The following RRP12 variants were observed in gnomAD, a reference collection of about 807,000 sequenced individuals.
RRP12 encodes the protein ribosomal RNA processing 12 homolog, also known as RRP12-like protein.
RRP12 carries 78 observed loss-of-function variants against 157.3 expected under a neutral mutation model. The observed-to-expected ratio is 0.50, with a 90% CI of 0.41 to 0.60. RRP12 has a LOEUF of 0.60. Among genes scored for constraint, RRP12 ranks in the 20% least tolerant of loss-of-function variants. The pLI is 0.00. For missense variants in RRP12, 1,521 were observed against 1,679.9 expected, an observed-to-expected ratio of 0.91 and a Z score of 1.65; for synonymous variants, 726 against 670.9, an observed-to-expected ratio of 1.08 and a Z score of -1.27.
chr10:97,388,540 C>G lies in RRP12; in HGVS notation c.838G>C (p.Ala280Pro). Residue 280 changes from alanine (A) to proline (P), a missense_variant, in exon 7 of 34, where the codon GCT becomes CCT. Physicochemically the swap from Ala to Pro is conservative, Grantham distance 27. Coordinates refer to ENST00000370992, the MANE Select transcript of RRP12 (RefSeq NM_015179.4). The stretch of plus-strand genomic sequence containing the variant: ...CAGAACTTGGCAGTGGAAATGGCAG[C>G]AGGATGATGGGCAGGGGCCTTTTCA... ...MFEKAPAHHP[A>P]AISTAKFCIQ... The G allele has an allele frequency of 6.2e-7, 1 of 1,614,160 alleles. No individual in the cohort carries two copies.
chr10:97,390,661 T>A (rs1210367558), intron 5 of RRP12, 78 bp downstream of exon 5: 117 of 1,375,212 alleles, frequency 8.5e-5, no homozygotes, highest in Non-Finnish European at 1.2e-4. Flanking sequence ...TAAACCCCTC[T>A]CAGGGAACAT....
intron 9 of RRP12, 32 bp from the exon 10 acceptor site, chr10:97,385,289 T>C (rs1335293927): frequency 6.6e-7 from 1 of 1,521,078 alleles, no homozygotes; most frequent in Non-Finnish European, 9.1e-7. Flanking sequence ...TGACTGAGCA[T>C]GCAGGGTCTG....
chr10:97,377,743 C>T (rs1008919730), intron 15 of RRP12, among the ~76,000 whole-genome samples: 7 of 149,392 alleles, frequency 4.7e-5, no homozygotes, highest in Non-Finnish European at 1.0e-4. Context: ...CCTTGGGAGG[C>T]TGAGGCAGGA....
intron 30 of RRP12, 152 bp from the exon 31 acceptor site, chr10:97,360,770 C>A: frequency 4.5e-6 from 3 of 665,770 alleles, no homozygotes; most frequent in Non-Finnish European, 8.3e-6. Context: ...AAACTAAGGC[C>A]CAGAGAGGGC....
intron 9 of RRP12, 97 bp from the exon 10 acceptor site, chr10:97,385,354 G>T: frequency 1.0e-6 from 1 of 965,122 alleles, no homozygotes; most frequent in Non-Finnish European, 1.6e-6. Flanking sequence ...ATGTCCTGGG[G>T]ACAGTGCTTG....
chr10:97,386,841 C>G (rs1177769543), intron 8 of RRP12, among the ~76,000 whole-genome samples: 8 of 152,006 alleles, frequency 5.3e-5, no homozygotes, highest in Non-Finnish European at 7.4e-5. Flanking sequence ...ATACAAAAAA[C>G]TAGTCAGGTG....
intron 8 of RRP12, among the ~76,000 whole-genome samples, chr10:97,387,648 A>G (rs1241699370): frequency 6.6e-6 from 1 of 151,998 alleles, no homozygotes; most frequent in Non-Finnish European, 1.5e-5. Flanking sequence ...GCTGCTAAAA[A>G]AAAAAAACTC....
chr10:97,358,744 T>C (rs529321050), intron 32 of RRP12, 125 bp from the exon 33 acceptor site: 1 of 856,106 alleles, frequency 1.2e-6, no homozygotes, highest in East Asian at 2.4e-5. Context: ...AGAGCTCCTG[T>C]ATCCTTGGAA....
Position 97,390,823 on chromosome 10 carries a change from A to C in RRP12, c.552T>G (p.Ile184Met), listed in dbSNP as rs1407546190. The change falls in exon 5 of 34, where the codon ATT becomes ATG. Residue 184 changes from isoleucine to methionine, a missense_variant. Transcript: ENST00000370992. ...CTTTGGAGGTATCAGAGAACTTCTT[A>C]ATAAGCACAGGGCTGGGAACACTGT... is the stretch of plus-strand genomic sequence containing the variant. ...VLKRVPSPVL[I>M]KKFSDTSKAF... 1 of 1,612,648 alleles carries C rather than the reference A, an allele frequency of 6.2e-7. No individual in the cohort carries two copies. The highest frequency in any genetic ancestry group is 1.7e-5 in the Admixed American group (1 of 59,980).
intron 13 of RRP12, 94 bp downstream of exon 13, chr10:97,380,705 G>T: frequency 2.3e-6 from 2 of 876,992 alleles, no homozygotes; most frequent in Non-Finnish European, 3.8e-6. Flanking sequence ...TGCGGAGCAG[G>T]GTGCAGAGAT....
chr10:97,358,869 G>T, intron 32 of RRP12, 74 bp downstream of exon 32: 1 of 1,253,926 alleles, frequency 8.0e-7, no homozygotes, highest in Non-Finnish European at 1.2e-6. Context: ...ACAGTGATGG[G>T]CACAGCTCCT....
intron 10 of RRP12, among the ~76,000 whole-genome samples, chr10:97,384,500 C>G (rs1564763111): frequency 1.3e-5 from 2 of 148,248 alleles, no homozygotes; most frequent in African/African-American, 2.5e-5. Context: ...GCAGCCTGGA[C>G]AGAGGCCCTG....
intron 15 of RRP12, 112 bp from the exon 16 acceptor site, chr10:97,374,006 C>T (rs1844234933): frequency 3.9e-6 from 3 of 762,956 alleles, no homozygotes; most frequent in Non-Finnish European, 6.7e-6. Flanking sequence ...TGGGTGACTT[C>T]CCCCCATCTC....
chr10:97,373,743 G>T lies in RRP12; in HGVS notation c.1864-6C>A. On this transcript the variant is annotated splice_polypyrimidine_tract_variant and splice_region_variant and intron_variant, in intron 16 of 33. Transcript: ENST00000370992. Reference sequence around the variant, plus strand: ...CCAGGCAGGAGTGTCCACATCTGGAGAAGGAGGGGACAATAAAGGAAGGTG... The same window carrying T: ...CCAGGCAGGAGTGTCCACATCTGGATAAGGAGGGGACAATAAAGGAAGGTG... 2 of 1,612,334 alleles carry T rather than the reference G, an allele frequency of 1.2e-6. No homozygotes were observed. Among genetic ancestry groups the T allele is most frequent in the Non-Finnish European group, 1.7e-6 (2 of 1,178,562 alleles).
At chr10:97,382,109 A>C (rs1488473924) in intron 10 of RRP12, among the ~76,000 whole-genome samples, 1 of 152,178 alleles carries the variant, frequency 6.6e-6, no homozygotes, top group Admixed American at 6.5e-5. Context: ...TTCCAGGGGA[A>C]AATCAAGGTT....
At chr10:97,374,416 C>T (rs535696776) in intron 15 of RRP12, among the ~76,000 whole-genome samples, 13 of 152,154 alleles carry the variant, frequency 8.5e-5, no homozygotes, top group African/African-American at 1.9e-4. Context: ...TGTGCCTCGG[C>T]CTCCCAAAGT....
intron 2 of RRP12, among the ~76,000 whole-genome samples, chr10:97,398,667 T>G (rs1845053467): frequency 6.6e-6 from 1 of 151,938 alleles, no homozygotes; most frequent in Non-Finnish European, 1.5e-5. Flanking sequence ...GTTTTTAAAT[T>G]TCAACTACTC....
intron 12 of RRP12, 22 bp downstream of exon 12, chr10:97,381,364 A>T (rs1378845280): frequency 1.9e-6 from 3 of 1,560,368 alleles, no homozygotes; most frequent in Non-Finnish European, 2.6e-6. Context: ...ATCCCTTCCT[A>T]ACATGGACCC....
intron 28 of RRP12, 64 bp from the exon 29 acceptor site, chr10:97,366,297 G>A: frequency 1.3e-6 from 2 of 1,591,148 alleles, no homozygotes; most frequent in South Asian, 1.1e-5. Context: ...CCCTCATCAT[G>A]ACCAACAAGC....
Sources: gnomAD v4.1 joint callset for allele counts (sites outside exome capture counted in the v4.1 genomes callset) on GRCh38, gnomAD v4.1.1 for gene constraint, MANE v1.5 for transcripts, NCBI Gene and HGNC (gene_info 2026-07-23, HGNC 2026-07-21) for gene names.